MAN1A1: variants seen among roughly 807,000 people sequenced by gnomAD.
MAN1A1 encodes the protein mannosyl-oligosaccharide 1,2-alpha-mannosidase IA.
MAN1A1 carries 29 observed loss-of-function variants against 70.8 expected under a neutral mutation model. The observed-to-expected ratio is 0.41, with a 90% CI of 0.31 to 0.56. MAN1A1 has a LOEUF of 0.56. Among genes scored for constraint, MAN1A1 ranks in the 20% least tolerant of loss-of-function variants. The pLI is 0.29. For missense variants in MAN1A1, 747 were observed against 841.3 expected (o/e 0.89, Z 1.39); for synonymous variants, 349 against 330.1 (o/e 1.06, Z -0.62).
rs1306833109 is a variant in MAN1A1, at chr6:119,179,670, T to G, written c.*149A>C. On this transcript the variant is annotated 3_prime_UTR_variant, in exon 13 of 13. Coordinates refer to ENST00000368468, the MANE Select transcript of MAN1A1 (RefSeq NM_005907.4). The stretch of plus-strand genomic sequence containing the variant: ...AGGAATTTAGGTCCACCTATACCTA[T>G]GATAATAAACATAAAAGACTGCAAA... The G allele has an allele frequency of 9.6e-6, 6 of 623,214 alleles. No individual in the cohort carries two copies. In the East Asian group the frequency reaches 1.9e-4, roughly 19 times the overall value. The allele number at this position is 623,214 out of a possible 1,614,324, so 38.6% of individuals were successfully genotyped here. A position where few individuals can be genotyped will look rare whatever the true frequency, so the allele number is the denominator to read the frequency against.
At chr6:119,346,651 T>G (rs897308536) in intron 2 of MAN1A1, among the ~76,000 whole-genome samples, 5 of 152,240 alleles carry the variant, frequency 3.3e-5, no homozygotes, top group Non-Finnish European at 5.9e-5. Flanking sequence ...GTCCTGAGTC[T>G]GAGACTGCTA....
At chr6:119,325,970 T>C (rs7741827) in intron 2 of MAN1A1, among the ~76,000 whole-genome samples, 9,922 of 152,236 alleles carry the variant, frequency 0.065, 361 homozygotes, top group Middle Eastern at 0.12. Context: ...AAAATATCTC[T>C]TGGGTAACAG....
intron 5 of MAN1A1, among the ~76,000 whole-genome samples, chr6:119,261,752 A>C (rs1289792276): frequency 1.3e-5 from 2 of 152,168 alleles, no homozygotes; most frequent in East Asian, 3.9e-4. Context: ...TTTAGATAAA[A>C]CTGACTTTAC....
intron 6 of MAN1A1, among the ~76,000 whole-genome samples, chr6:119,239,264 A>C (rs186731092): frequency 6.6e-6 from 1 of 152,352 alleles, no homozygotes; most frequent in Admixed American, 6.5e-5. Context: ...CATGATTGCT[A>C]AATCACCAAA....
At position 119,263,417 on chromosome 6, in the gene MAN1A1, C is replaced by T. The variant is rs185042335; in HGVS notation, c.898-15063G>A. ...AACACAGGAATAGAAAACCAAACAC[C>T]GCATGTTCTCACTTGTAAGTGGGAG... is the stretch of plus-strand genomic sequence containing the variant. On this transcript the variant is annotated intron_variant, in intron 5 of 12. Coordinates refer to ENST00000368468, the MANE Select transcript of MAN1A1 (RefSeq NM_005907.4). 3.7e-4 allele frequency among the ~76,000 whole-genome samples: 56 copies of T among 152,126 alleles called. 1 individual carries two copies. The East Asian group carries it at 6.9e-3, about 19-fold the overall frequency.
At chr6:119,294,592 A>T (rs950083188) in intron 4 of MAN1A1, among the ~76,000 whole-genome samples, 7 of 152,114 alleles carry the variant, frequency 4.6e-5, no homozygotes, top group African/African-American at 1.7e-4. Context: ...GCAGTTTAAG[A>T]AGTACATCCC....
At chr6:119,249,601 T>C in intron 5 of MAN1A1, among the ~76,000 whole-genome samples, 1 of 152,080 alleles carries the variant, frequency 6.6e-6, no homozygotes, top group Non-Finnish European at 1.5e-5. Flanking sequence ...AAGTTCTCTG[T>C]CAGCCACTGG....
At position 119,183,341 on chromosome 6, in the gene MAN1A1, G is replaced by C. The variant is rs559048221; in HGVS notation, c.1720-2914C>G. Among the ~76,000 whole-genome samples, 90 of 152,246 alleles carry C rather than the reference G, an allele frequency of 5.9e-4. 1 individual carries two copies. Among genetic ancestry groups the C allele is most frequent in the African/African-American group, 2.1e-3 (89 of 41,554 alleles). On this transcript the variant is annotated intron_variant, in intron 11 of 12. Coordinates refer to ENST00000368468, the MANE Select transcript of MAN1A1 (RefSeq NM_005907.4). ...TCGATTAAATTCTAAGTTCCAGACA[G>C]TGCGTCAAATGGAGGATGAGCATGA...
intron 11 of MAN1A1, among the ~76,000 whole-genome samples, chr6:119,183,602 A>C (rs1773209946): frequency 6.6e-6 from 1 of 152,164 alleles, no homozygotes; most frequent in South Asian, 2.1e-4. Flanking sequence ...TTTGGTAATG[A>C]GCTAATGAGA....
intron 6 of MAN1A1, among the ~76,000 whole-genome samples, chr6:119,218,297 C>T (rs1016373058): frequency 6.6e-6 from 1 of 151,946 alleles, no homozygotes; most frequent in African/African-American, 2.4e-5. Flanking sequence ...CTCCTCTCAC[C>T]TAAGATTATG....
rs1040141261 is a variant in MAN1A1 at position 119,177,211 on chromosome 6, T to C, written c.*2608A>G. 2 of 152,106 alleles carry C rather than the reference T, an allele frequency of 1.3e-5. No homozygotes were observed. Among genetic ancestry groups the C allele is most frequent in the Admixed American group, 6.6e-5 (1 of 15,266 alleles). The allele number at this position is 152,106 out of a possible 1,614,324, so 9.4% of individuals were successfully genotyped here. A position where few individuals can be genotyped will look rare whatever the true frequency, so the allele number is the denominator to read the frequency against. On this transcript the variant is annotated 3_prime_UTR_variant, in exon 13 of 13. Transcript: ENST00000368468. Reference sequence around the variant, plus strand: ...GAAAAATATAACAAATGAGGAGATATATTAAAAGACTTTATTCACAATAGA... The same window carrying C: ...GAAAAATATAACAAATGAGGAGATACATTAAAAGACTTTATTCACAATAGA...
intron 11 of MAN1A1, among the ~76,000 whole-genome samples, chr6:119,180,957 A>G (rs757767468): frequency 6.6e-5 from 10 of 152,308 alleles, no homozygotes; most frequent in Non-Finnish European, 1.5e-4. Context: ...ACCTAATTTG[A>G]AACACTTCTG....
chr6:119,232,774 T>A (rs561290754), intron 6 of MAN1A1, among the ~76,000 whole-genome samples: 24 of 151,996 alleles, frequency 1.6e-4, no homozygotes, highest in African/African-American at 5.1e-4. Context: ...GGCACTAATA[T>A]TAGCTTATCT....
intron 6 of MAN1A1, chr6:119,210,780 T>G: frequency 8.0e-6 from 2 of 248,608 alleles, no homozygotes; most frequent in South Asian, 9.1e-5. Flanking sequence ...TCAGTTTAAT[T>G]ATCTAAACTG....
chr6:119,249,732 G>C (rs1011022240), intron 5 of MAN1A1, among the ~76,000 whole-genome samples: 6 of 152,052 alleles, frequency 3.9e-5, no homozygotes, highest in African/African-American at 1.4e-4. Flanking sequence ...CCAGGCACTT[G>C]GGCTCCCAGA....
intron 2 of MAN1A1, among the ~76,000 whole-genome samples, chr6:119,328,270 A>C (rs545950572): frequency 6.6e-6 from 1 of 152,362 alleles, no homozygotes; most frequent in Admixed American, 6.5e-5. Flanking sequence ...TCAAACCCCA[A>C]AACTATTTCC....
intron 3 of MAN1A1, among the ~76,000 whole-genome samples, chr6:119,305,152 T>C (rs537390301): frequency 2.6e-5 from 4 of 152,288 alleles, no homozygotes; most frequent in African/African-American, 7.2e-5. Flanking sequence ...TTATGAAAAG[T>C]GTTTTTTACC....
At chr6:119,253,627 C>A (rs981574442) in intron 5 of MAN1A1, among the ~76,000 whole-genome samples, 1 of 152,134 alleles carries the variant, frequency 6.6e-6, no homozygotes, top group South Asian at 2.1e-4. Context: ...CAGGAATAAA[C>A]AAACTTATTT....
intron 5 of MAN1A1, among the ~76,000 whole-genome samples, chr6:119,261,306 C>T (rs899334438): frequency 2.6e-5 from 4 of 152,114 alleles, no homozygotes; most frequent in African/African-American, 7.2e-5. Flanking sequence ...ATTGCACACA[C>T]GCACATATTT....
Sources: allele counts gnomAD v4.1 joint callset (sites outside exome capture counted in the v4.1 genomes callset), GRCh38; gene constraint gnomAD v4.1.1; transcripts MANE v1.5; gene names NCBI Gene and HGNC (gene_info 2026-07-23, HGNC 2026-07-21).